Variants in NPLOC4 observed in about 807,000 individuals in gnomAD.
NPLOC4 encodes NPL4 homolog, ubiquitin recognition factor.
A neutral mutation model predicts 80.6 loss-of-function variants in NPLOC4; 18 were observed. That is an observed-to-expected ratio of 0.22 (90% CI 0.15 to 0.33). The LOEUF (loss-of-function observed/expected upper bound fraction) is 0.33, where lower values mean the gene tolerates loss of function less well. Among genes scored for constraint, NPLOC4 ranks in the 10% least tolerant of loss-of-function variants. The probability of loss-of-function intolerance (pLI) is 1.00; values close to 1 mark genes in which losing one functional copy is unlikely to be tolerated. For synonymous variants in NPLOC4, 313 were observed against 301.5 expected (o/e 1.04, Z -0.39); for missense variants, 540 against 786.1 (o/e 0.69, Z 3.74).
rs770977635 is a variant in NPLOC4 at position 81,559,412 on chromosome 17, T to G, written c.1674A>C (p.Thr558=). ...QWATIEQLCS[T]VGGQLPGLHE... ...GGAGACCTGGGAGCTGCCCGCCAAC[T>G]GTGCCTGCAGGGTGGAAGAGAAATG... Residue 558 remains threonine (T), a synonymous_variant, in exon 17 of 17, where the codon ACA becomes ACC. Transcript: ENST00000331134. The G allele has an allele frequency of 6.8e-6, 11 of 1,609,368 alleles. No homozygotes were observed. In the East Asian group the frequency reaches 2.0e-4, roughly 29 times the overall value.
chr17:81,603,193 A>C (rs570347816), intron 8 of NPLOC4, among the ~76,000 whole-genome samples: 2 of 152,180 alleles, frequency 1.3e-5, no homozygotes, highest in Non-Finnish European at 2.9e-5. Flanking sequence ...AAAAGGTTTT[A>C]AATTCTAGGG....
In NPLOC4 at chr17:81,557,276, C is replaced by G. The variant is rs1218460872; in HGVS notation, c.*1983G>C. Reference sequence around the variant, plus strand: ...CACCCCCAAGCCTGTATGCTTAGCTCTGACTCTCTTTGGACAATAAAATAA... The same window carrying G: ...CACCCCCAAGCCTGTATGCTTAGCTGTGACTCTCTTTGGACAATAAAATAA... On this transcript the variant is annotated 3_prime_UTR_variant, in exon 17 of 17. Coordinates refer to ENST00000331134, the MANE Select transcript of NPLOC4 (RefSeq NM_017921.4). 1 of 152,492 alleles carries G rather than the reference C, an allele frequency of 6.6e-6. No homozygotes were observed. Among genetic ancestry groups the G allele is most frequent in the Non-Finnish European group, 1.5e-5 (1 of 68,054 alleles). The allele number at this position is 152,492 out of a possible 1,614,324, so 9.4% of individuals were successfully genotyped here.
At chr17:81,631,637 C>G (rs1016166836) in intron 1 of NPLOC4, among the ~76,000 whole-genome samples, 11 of 151,886 alleles carry the variant, frequency 7.2e-5, no homozygotes, top group Non-Finnish European at 1.5e-4. Flanking sequence ...ATGGCATGCT[C>G]TGCAGCAAAC....
chr17:81,569,228 A>C, intron 13 of NPLOC4, 117 bp from the exon 14 acceptor site: 1 of 662,846 alleles, frequency 1.5e-6, no homozygotes, highest in Non-Finnish European at 2.7e-6. Context: ...AATTCTGAGA[A>C]TGTTCTACAA....
At chr17:81,579,765 C>T (rs989200322) in intron 12 of NPLOC4, among the ~76,000 whole-genome samples, 1 of 152,146 alleles carries the variant, frequency 6.6e-6, no homozygotes, top group African/African-American at 2.4e-5. Flanking sequence ...AATAAAAACC[C>T]AAACAAGAAA....
chr17:81,589,246 G>T, intron 11 of NPLOC4, 142 bp from the exon 12 acceptor site: 1 of 693,018 alleles, frequency 1.4e-6, no homozygotes, highest in Non-Finnish European at 2.3e-6. Flanking sequence ...ATGTTCAGTA[G>T]TCGGCCGGGT....
intron 12 of NPLOC4, among the ~76,000 whole-genome samples, chr17:81,582,338 C>T (rs558194233): frequency 3.5e-4 from 53 of 152,312 alleles, no homozygotes; most frequent in African/African-American, 9.6e-4. Flanking sequence ...GGGCATGGAC[C>T]CGAGTTTCAC....
At chr17:81,615,390 A>G (rs2035453833) in intron 3 of NPLOC4, among the ~76,000 whole-genome samples, 1 of 151,930 alleles carries the variant, frequency 6.6e-6, no homozygotes, top group African/African-American at 2.4e-5. Context: ...GTGAGCCACC[A>G]CGTCCAGCCG....
chr17:81,572,347 C>T lies in NPLOC4; in HGVS notation c.1282-259G>A, dbSNP rs930291841. Among the ~76,000 whole-genome samples the T allele has an allele frequency of 6.6e-6, 1 of 151,874 alleles. No homozygotes were observed. Among genetic ancestry groups the T allele is most frequent in the Non-Finnish European group, 1.5e-5 (1 of 67,992 alleles). On this transcript the variant is annotated intron_variant, in intron 12 of 16. Transcript: ENST00000331134. This position sits in a 1 kb window ranked among gnomAD's most constrained non-coding sequence, Gnocchi z 4.5. ...GGGACTACAGGCGCCCGCCACCACG[C>T]CCGGCTAATTTTTTTTGTATTTTTT...
intron 16 of NPLOC4, chr17:81,562,930 C>T (rs1245508627): frequency 6.7e-6 from 1 of 148,434 alleles, no homozygotes; most frequent in Non-Finnish European, 1.5e-5. Flanking sequence ...AGAGTGAGAA[C>T]CTGTCTCAAA....
rs1357179118 is a variant in NPLOC4 at position 81,565,533 on chromosome 17, C to T, written c.1641G>A (p.Glu547=). ...ACAGCTGCTCGATGGTGGCCCACTG[C>T]TCAGACCTCTTCCATGTCTGGGCGA... is the stretch of plus-strand genomic sequence containing the variant. ...EELAQTWKRS[E]QWATIEQLCS... Residue 547 remains glutamate, a synonymous_variant, in exon 16 of 17, where the codon GAG becomes GAA. Transcript: ENST00000331134. 1.3e-6 allele frequency: 2 copies of T among 1,553,798 alleles called. No individual in the cohort carries two copies. The highest frequency in any genetic ancestry group is 1.7e-6 in the Non-Finnish European group (2 of 1,149,572).
At chr17:81,606,963 TC>T in intron 6 of NPLOC4, 149 bp from the exon 7 acceptor site, 1 of 688,568 alleles carries the variant, frequency 1.5e-6, no homozygotes, top group South Asian at 1.9e-5. Flanking sequence ...TAAGGATGAT[TC>T]TAATGGAAGC....
At chr17:81,596,082 G>C in intron 11 of NPLOC4, 34 bp downstream of exon 11, 1 of 1,580,400 alleles carries the variant, frequency 6.3e-7, no homozygotes. Context: ...TAACGAGGTG[G>C]TAATATTTAC....
At chr17:81,620,503 AT>A (rs2035636238) in intron 3 of NPLOC4, among the ~76,000 whole-genome samples, 1 of 151,880 alleles carries the variant, frequency 6.6e-6, no homozygotes. Flanking sequence ...CTCAAAAAAA[AT>A]AAATAAATAA....
chr17:81,615,699 G>T (rs1190927788), intron 3 of NPLOC4, among the ~76,000 whole-genome samples: 1 of 152,176 alleles, frequency 6.6e-6, no homozygotes, highest in Admixed American at 6.5e-5. Context: ...GGGCTTCCCT[G>T]CCCAGAGGGG....
intron 1 of NPLOC4, among the ~76,000 whole-genome samples, chr17:81,630,179 GAAAA>G (rs200318542): frequency 7.9e-6 from 1 of 127,136 alleles, no homozygotes; most frequent in Non-Finnish European, 1.7e-5. Flanking sequence ...TTACTTTGGG[GAAAA>G]AAAAAAAAAA....
At chr17:81,569,148 C>T (rs771853366) in intron 13 of NPLOC4, 37 bp from the exon 14 acceptor site, 2 of 1,451,644 alleles carry the variant, frequency 1.4e-6, no homozygotes, top group East Asian at 4.5e-5. Context: ...ATAAATGAGG[C>T]TGAAAATGGT....
At chr17:81,618,332 G>A (rs1191285910) in intron 3 of NPLOC4, among the ~76,000 whole-genome samples, 2 of 147,784 alleles carry the variant, frequency 1.4e-5, no homozygotes, top group South Asian at 2.2e-4. Context: ...TGTGAGGAGC[G>A]CCTCTGCCTG....
At chr17:81,564,187 C>T in intron 16 of NPLOC4, 1 of 197,706 alleles carries the variant, frequency 5.1e-6, no homozygotes, top group South Asian at 5.8e-5. Flanking sequence ...TCAATCATAC[C>T]CCAACCTCAG....
Sources: allele counts gnomAD v4.1 joint callset (sites outside exome capture counted in the v4.1 genomes callset), GRCh38; gene constraint gnomAD v4.1.1; non-coding constraint Gnocchi (gnomAD v3.1); transcripts MANE v1.5; gene names NCBI Gene and HGNC (gene_info 2026-07-23, HGNC 2026-07-21).